SPINK1: variants seen among roughly 807,000 people sequenced by gnomAD.
SPINK1 encodes serine protease inhibitor Kazal-type 1.
In SPINK1, 5 loss-of-function variants were observed where a neutral mutation model predicts 9.5. The ratio of observed to expected loss-of-function variants is 0.52; its 90% CI spans 0.27 to 1.10. The LOEUF (loss-of-function observed/expected upper bound fraction) is 1.10. Among genes scored for constraint, SPINK1 ranks in the 50% least tolerant of loss-of-function variants. The pLI is 0.11. For missense variants in SPINK1, 88 were observed against 92.7 expected (o/e 0.95, Z 0.21); for synonymous variants, 37 against 32.3 (o/e 1.14, Z -0.49).
At chr5:147,833,766 A>C (rs889409401), upstream of SPINK1, among the ~76,000 whole-genome samples, 1 of 152,158 alleles carries the variant, frequency 6.6e-6, no homozygotes, top group African/African-American at 2.4e-5. Flanking sequence ...ATGGACTGCA[A>C]ATTTGATCAT....
At chr5:147,831,685 C>A (rs954248964), upstream of SPINK1, 70 of 1,555,734 alleles carry the variant, frequency 4.5e-5, no homozygotes, top group Middle Eastern at 5.7e-4. Flanking sequence ...AGCAAGGCCC[C>A]ACCTACTGGG....
the SPINK1 span, among the ~76,000 whole-genome samples, chr5:147,838,254 T>C: frequency 6.6e-6 from 1 of 152,232 alleles, no homozygotes; most frequent in African/African-American, 2.4e-5. Context: ...AAATGTTTCT[T>C]GTAACCTATG....
the SPINK1 span, among the ~76,000 whole-genome samples, chr5:147,837,713 C>CTTTCTTTCTTTCTTT: frequency 8.3e-6 from 1 of 120,488 alleles, no homozygotes; most frequent in Admixed American, 8.5e-5. Context: ...TTCTTTCTTT[C>CTTTCTTTCTTTCTTT]TTTTTTGGGA....
rs1173476400 is a variant in SPINK1 at position 147,828,014 on chromosome 5, G to A, written c.194+8C>T. 6.2e-7 allele frequency: 1 copy of A among 1,600,482 alleles called. No homozygotes were observed. ...TATAGTTTAAAAGAAACTCAAGTTT[G>A]TACTCACCGATTTTCAAAACATAAC... On this transcript the variant is annotated splice_region_variant and intron_variant, in intron 3 of 3. Transcript: ENST00000296695.
intron 3 of SPINK1, 25 bp downstream of exon 3, chr5:147,827,997 A>T: frequency 6.4e-7 from 1 of 1,551,756 alleles, no homozygotes; most frequent in Non-Finnish European, 8.9e-7. Flanking sequence ...TATATAGTTT[A>T]AAAGAAACTC....
intron 3 of SPINK1, 43 bp from the exon 4 acceptor site, chr5:147,824,749 T>G (rs781216011): frequency 6.3e-7 from 1 of 1,593,144 alleles, no homozygotes; most frequent in South Asian, 1.1e-5. Context: ...TAAACTTCAC[T>G]GATGAAAAAG....
chr5:147,829,165 A>G (rs1345591205), intron 2 of SPINK1, among the ~76,000 whole-genome samples: 1 of 152,234 alleles, frequency 6.6e-6, no homozygotes, highest in East Asian at 1.9e-4. Context: ...GAGTTAGAAT[A>G]TTTTTCTAGA....
chr5:147,833,036 T>C (rs1756534984), upstream of SPINK1, among the ~76,000 whole-genome samples: 1 of 152,188 alleles, frequency 6.6e-6, no homozygotes, highest in Non-Finnish European at 1.5e-5. Flanking sequence ...GTTAAGGAGA[T>C]ATGTATCATA....
upstream of SPINK1, among the ~76,000 whole-genome samples, chr5:147,833,170 AG>A (rs1756537954): frequency 6.6e-6 from 1 of 152,158 alleles, no homozygotes; most frequent in South Asian, 2.1e-4. Flanking sequence ...GTAAGCGCAA[AG>A]GTTCTGAGGC....
In SPINK1 at chr5:147,828,120, A is replaced by T; in HGVS notation, c.96T>A (p.Cys32Ter). 2 of 1,612,588 alleles carry T rather than the reference A, an allele frequency of 1.2e-6. No homozygotes were observed. Among genetic ancestry groups the T allele is most frequent in the South Asian group, 1.1e-5 (1 of 90,978 alleles). ...TGGTGCATCCATTAAGTTCATTGTA[A>T]CATTTGGCCTAAAAATGGAATTAAA... ...GADSLGREAKCYNELNGCTKI... is the reference protein window; with the variant it reads ...GADSLGREAK The change falls in exon 3 of 4, where the codon TGT (cysteine) becomes TGA (stop). Residue 32 changes from cysteine to a stop codon, truncating the protein, a stop_gained. Coordinates refer to ENST00000296695, the MANE Select transcript of SPINK1 (RefSeq NM_001379610.1). LOFTEE classifies it high-confidence loss of function.
At chr5:147,828,195 T>C in intron 2 of SPINK1, 67 bp from the exon 3 acceptor site, 2 of 1,213,088 alleles carry the variant, frequency 1.6e-6, no homozygotes, top group Middle Eastern at 1.9e-4. Flanking sequence ...GCAAAATCTC[T>C]GAAATGGTTT....
At chr5:147,837,682 T>TTTCC in the SPINK1 span, among the ~76,000 whole-genome samples, 1 of 146,822 alleles carries the variant, frequency 6.8e-6, no homozygotes, top group African/African-American at 2.5e-5. Context: ...TCTTTCTTTC[T>TTTCC]TTCTTTCTTT....
At chr5:147,837,713 C>CTTTCTTTCTTT in the SPINK1 span, among the ~76,000 whole-genome samples, 7 of 120,488 alleles carry the variant, frequency 5.8e-5, no homozygotes, top group Non-Finnish European at 1.2e-4. Flanking sequence ...TTCTTTCTTT[C>CTTTCTTTCTTT]TTTTTTGGGA....
chr5:147,827,378 A>C (rs1756427525), intron 3 of SPINK1: 1 of 152,336 alleles, frequency 6.6e-6, no homozygotes, highest in Non-Finnish European at 1.5e-5. Flanking sequence ...TTTTAATAAA[A>C]AATATGTATC....
chr5:147,824,685 G>A lies in SPINK1; in HGVS notation c.216C>T (p.Leu72=), dbSNP rs543864495. The A allele has an allele frequency of 1.5e-5, 25 of 1,614,060 alleles. No homozygotes were observed. The South Asian group carries it at 2.0e-4, about 13-fold the overall frequency. Residue 72 remains leucine, a synonymous_variant, in exon 4 of 4, where the codon CTC becomes CTT. Transcript: ENST00000296695. ...FENRKRQTSI[L]IQKSGPC ...CTCAGCAAGGCCCAGATTTTTGAAT[G>A]AGGATAGAAGTCTGGCGTTTCCTGC...
chr5:147,832,675 G>C (rs1756528950), upstream of SPINK1, among the ~76,000 whole-genome samples: 1 of 152,130 alleles, frequency 6.6e-6, no homozygotes, highest in Non-Finnish European at 1.5e-5. Context: ...GTGGAAATTG[G>C]GGCTTGGGAA....
At chr5:147,837,880 T>G in the SPINK1 span, among the ~76,000 whole-genome samples, 3 of 151,956 alleles carry the variant, frequency 2.0e-5, no homozygotes, top group Admixed American at 1.3e-4. Flanking sequence ...TTTTGTATTT[T>G]TAGTGGAGAG....
At chr5:147,828,157 C>A in intron 2 of SPINK1, 29 bp from the exon 3 acceptor site, 1 of 1,535,608 alleles carries the variant, frequency 6.5e-7, no homozygotes, top group Non-Finnish European at 9.0e-7. Flanking sequence ...AGAATCATTT[C>A]CCATTATTCT....
At chr5:147,830,895 C>G (rs1197185996) in intron 1 of SPINK1, among the ~76,000 whole-genome samples, 2 of 152,036 alleles carry the variant, frequency 1.3e-5, no homozygotes, top group Non-Finnish European at 2.9e-5. Flanking sequence ...TCTATTCAAG[C>G]AGAATATTTT....
Sources: gnomAD v4.1 joint callset for allele counts (sites outside exome capture counted in the v4.1 genomes callset) on GRCh38, gnomAD v4.1.1 for gene constraint, MANE v1.5 for transcripts, NCBI Gene and HGNC (gene_info 2026-07-23, HGNC 2026-07-21) for gene names.